The following AKAP8 variants were observed in gnomAD, a reference collection of about 807,000 sequenced individuals.
AKAP8 encodes the protein A-kinase anchoring protein 8.
In AKAP8, 24 loss-of-function variants were observed where a neutral mutation model predicts 67.5. The observed-to-expected ratio is 0.36, with a 90% CI of 0.26 to 0.50. The LOEUF (loss-of-function observed/expected upper bound fraction) is 0.50. AKAP8 is among the 20% of genes least tolerant of loss of function. The pLI is 0.97. For synonymous variants in AKAP8, 400 were observed against 371.1 expected (o/e 1.08, Z -0.90); for missense variants, 971 against 955.9 (o/e 1.02, Z -0.21).
At chr19:15,379,659 G>A (rs774737081) in intron 1 of AKAP8, 54 bp downstream of exon 1, 30 of 1,574,890 alleles carry the variant, frequency 1.9e-5, no homozygotes, top group East Asian at 2.4e-5. Flanking sequence ...CAGCGGCTGC[G>A]TCGCCCGCAC....
chr19:15,367,822 T>C (rs1282583320), intron 9 of AKAP8, among the ~76,000 whole-genome samples: 2 of 152,246 alleles, frequency 1.3e-5, no homozygotes, highest in African/African-American at 2.4e-5. Flanking sequence ...CACAGGACAG[T>C]GTCTGAGATG....
chr19:15,371,927 CA>C (rs1967165003), intron 7 of AKAP8, 24 bp downstream of exon 7: 1 of 1,613,198 alleles, frequency 6.2e-7, no homozygotes. Flanking sequence ...ACACTAGAGG[CA>C]AAAGGGCTGC....
chr19:15,372,389 C>A lies in AKAP8; in HGVS notation c.862-42G>T, dbSNP rs375985503. The A allele has an allele frequency of 4.6e-5, 73 of 1,602,072 alleles. No homozygotes were observed. In the African/African-American group the frequency reaches 8.7e-4, roughly 19 times the overall value. On this transcript the variant is annotated intron_variant, in intron 5 of 13. Transcript: ENST00000269701. Reference sequence around the variant, plus strand: ...CACCCCATGAGCTACTTACGAGGGCCATGAAGATGCCCCACAGAAAAGAAC... The same window carrying A: ...CACCCCATGAGCTACTTACGAGGGCAATGAAGATGCCCCACAGAAAAGAAC...
At chr19:15,355,702 G>A (rs1208367825) in intron 13 of AKAP8, among the ~76,000 whole-genome samples, 3 of 151,616 alleles carry the variant, frequency 2.0e-5, no homozygotes, top group Admixed American at 6.6e-5. Context: ...AAAGCGCTGC[G>A]ATTACAGGTG....
At chr19:15,367,104 A>G (rs1186665501) in intron 9 of AKAP8, among the ~76,000 whole-genome samples, 1 of 151,858 alleles carries the variant, frequency 6.6e-6, no homozygotes, top group Non-Finnish European at 1.5e-5. Flanking sequence ...GATGGGTTTC[A>G]CCATATTGAC....
chr19:15,366,153 A>G (rs1183680782), intron 9 of AKAP8, among the ~76,000 whole-genome samples: 1,084 of 49,770 alleles, frequency 0.022, 8 homozygotes, highest in Admixed American at 0.035. Flanking sequence ...AAAAGCAAAA[A>G]GAAAAAAAAA....
chr19:15,364,081 TAA>T (rs1967026561), intron 9 of AKAP8, among the ~76,000 whole-genome samples: 1 of 12,266 alleles, frequency 8.2e-5, no homozygotes, highest in Non-Finnish European at 1.5e-4. Context: ...AATAAATAAA[TAA>T]ATAAATAAAT....
At chr19:15,376,299 G>A (rs1279739385) in intron 2 of AKAP8, among the ~76,000 whole-genome samples, 1 of 152,084 alleles carries the variant, frequency 6.6e-6, no homozygotes, top group African/African-American at 2.4e-5. Context: ...GATTGATTAT[G>A]AGGTCAGGAG....
intron 9 of AKAP8, among the ~76,000 whole-genome samples, chr19:15,363,443 GC>G (rs1184060157): frequency 9.5e-5 from 14 of 147,512 alleles, no homozygotes; most frequent in African/African-American, 3.5e-4. Flanking sequence ...GAAGTGAGGA[GC>G]CCCCCTGCCC....
chr19:15,374,530 G>A (rs368756561), intron 3 of AKAP8, 73 bp downstream of exon 3: 26 of 1,554,094 alleles, frequency 1.7e-5, no homozygotes, highest in Non-Finnish European at 2.2e-5. Context: ...CCTCCCTGAC[G>A]GGCTGACCCG....
intron 12 of AKAP8, 56 bp from the exon 13 acceptor site, chr19:15,359,118 T>C: frequency 1.3e-6 from 2 of 1,517,890 alleles, no homozygotes; most frequent in Admixed American, 1.7e-5. Flanking sequence ...AGGAAGAGAA[T>C]AAACCAGCCA....
chr19:15,367,625 T>G (rs148261560), intron 9 of AKAP8, among the ~76,000 whole-genome samples: 1 of 152,368 alleles, frequency 6.6e-6, no homozygotes, highest in East Asian at 1.9e-4. Flanking sequence ...CAGTTTCTAG[T>G]CAGAAGCCAC....
intron 13 of AKAP8, among the ~76,000 whole-genome samples, chr19:15,357,456 A>T (rs1966899220): frequency 6.8e-6 from 1 of 147,568 alleles, no homozygotes; most frequent in Non-Finnish European, 1.5e-5. Flanking sequence ...AAAAAAAAAA[A>T]AATTAGCCAG....
rs752784479 is a variant in AKAP8 at position 15,370,196 on chromosome 19, ACAAAGTC to A, written c.1039-24_1039-18del. 2.2e-5 allele frequency: 36 copies of A among 1,613,960 alleles called. No homozygotes were observed. Among genetic ancestry groups the A allele is most frequent in the Non-Finnish European group, 3.0e-5 (35 of 1,179,948 alleles). ...TTCATCCTCCTGGAAAAGAGTATAC[ACAAAGTC>A]CGGCAGTGAGCTGGTGTGTCCAGAC... On this transcript the variant is annotated intron_variant, in intron 7 of 13. Transcript: ENST00000269701.
intron 9 of AKAP8, among the ~76,000 whole-genome samples, chr19:15,367,070 G>C (rs1186515155): frequency 1.3e-5 from 2 of 152,134 alleles, no homozygotes; most frequent in African/African-American, 4.8e-5. Flanking sequence ...ACCATGCCTG[G>C]CTAATTTTTG....
intron 9 of AKAP8, 76 bp downstream of exon 9, chr19:15,368,159 G>C (rs776709193): frequency 3.2e-6 from 5 of 1,575,148 alleles, no homozygotes; most frequent in East Asian, 4.5e-5. Context: ...ATTGTGGAGC[G>C]AGGACAGGTG....
rs1485517681 is a variant in AKAP8 at position 15,353,881 on chromosome 19, GATCTA to G, written c.*1029_*1033del. 9 of 151,834 alleles carry G rather than the reference GATCTA, an allele frequency of 5.9e-5. No homozygotes were observed. The highest frequency in any genetic ancestry group is 1.0e-4 in the Non-Finnish European group (7 of 67,986). The allele number at this position is 151,834 out of a possible 1,614,324, so 9.4% of individuals were successfully genotyped here. ...AGCCTCCCTTTCTCAGATTTGGAAA[GATCTA>G]AAGTAATAGTTATTTCTCTAAAATG... On this transcript the variant is annotated 3_prime_UTR_variant, in exon 14 of 14. Coordinates refer to ENST00000269701, the MANE Select transcript of AKAP8 (RefSeq NM_005858.4).
rs780636707 is a variant in AKAP8, at chr19:15,354,972, C to T, written c.2022G>A (p.Ala674=). The T allele has an allele frequency of 6.8e-6, 11 of 1,614,208 alleles. No individual in the cohort carries two copies. Among genetic ancestry groups the T allele is most frequent in the Admixed American group, 1.7e-5 (1 of 60,022 alleles). The change falls in exon 14 of 14, where the codon GCG becomes GCA. Residue 674 remains alanine, a synonymous_variant. Transcript: ENST00000269701. ...QTRVAPAPAA[A]DAEVEQTDAE... Reference sequence around the variant, plus strand: ...CATCAGTTTGTTCCACTTCAGCATCCGCGGCAGCTGGGGCAGGAGCAACTC... The same window carrying T: ...CATCAGTTTGTTCCACTTCAGCATCTGCGGCAGCTGGGGCAGGAGCAACTC...
At chr19:15,371,330 G>A (rs984731107) in intron 7 of AKAP8, among the ~76,000 whole-genome samples, 4 of 152,136 alleles carry the variant, frequency 2.6e-5, no homozygotes, top group Admixed American at 6.5e-5. Context: ...GGAAGGATGA[G>A]GACACCAGTC....
Sources: allele counts gnomAD v4.1 joint callset (sites outside exome capture counted in the v4.1 genomes callset), GRCh38; gene constraint gnomAD v4.1.1; transcripts MANE v1.5; gene names NCBI Gene and HGNC (gene_info 2026-07-23, HGNC 2026-07-21).